Variants in HEATR5A observed in about 807,000 individuals in gnomAD.
The protein encoded by HEATR5A is HEAT repeat-containing protein 5A.
HEATR5A carries 178 observed loss-of-function variants against 218.8 expected under a neutral mutation model. The ratio of observed to expected loss-of-function variants is 0.81; its 90% CI spans 0.72 to 0.92. The LOEUF (loss-of-function observed/expected upper bound fraction) is 0.92. Among genes scored for constraint, HEATR5A ranks in the 40% least tolerant of loss-of-function variants. The pLI, the probability that HEATR5A is intolerant of heterozygous loss-of-function variation, is 0.00. For missense variants in HEATR5A, 2,420 were observed against 2,418.9 expected (o/e 1.00, Z -0.01); for synonymous variants, 864 against 871.6 (o/e 0.99, Z 0.15).
At chr14:31,371,701 C>T (rs576822564) in intron 13 of HEATR5A, 109 bp downstream of exon 13, 2 of 455,268 alleles carry the variant, frequency 4.4e-6, no homozygotes, top group African/African-American at 2.0e-5. Context: ...AACTGATTGC[C>T]TTCCTCCATA....
chr14:31,295,589 AT>A (rs1232245801), intron 34 of HEATR5A: 3 of 148,886 alleles, frequency 2.0e-5, no homozygotes, highest in African/African-American at 7.6e-5. Flanking sequence ...TTTAAATAAA[AT>A]CCACTATAAT....
At chr14:31,315,563 A>C (rs188227577) in intron 27 of HEATR5A, among the ~76,000 whole-genome samples, 1 of 152,208 alleles carries the variant, frequency 6.6e-6, no homozygotes, top group Admixed American at 6.5e-5. Flanking sequence ...GCACTGCTTA[A>C]AGTAGGAGAT....
At chr14:31,344,196 C>A in intron 20 of HEATR5A, 131 bp from the exon 21 acceptor site, 6 of 323,322 alleles carry the variant, frequency 1.9e-5, no homozygotes, top group Non-Finnish European at 2.2e-5. Context: ...ACAGTCACTA[C>A]AAATCTGTGA....
Position 31,358,691 on chromosome 14 carries a change from C to T in HEATR5A, c.2357G>A (p.Ser786Asn), listed in dbSNP as rs754809088. The change falls in exon 16 of 36, where the codon AGT becomes AAT. Residue 786 changes from serine (S) to asparagine (N), a missense_variant. Ser to Asn is a conservative substitution (Grantham distance 46, BLOSUM62 1). Transcript: ENST00000543095. Reference protein sequence around the residue: ...KPLPPALSVISSASKLFGVVC... With the variant: ...KPLPPALSVINSASKLFGVVC... ...AACCCCAAAGAGCTTGGATGCAGAA[C>T]TAATAACTGATAGTGCTGGAGGTAA... The T allele has an allele frequency of 6.2e-7, 1 of 1,613,800 alleles. No individual in the cohort carries two copies. The highest frequency in any genetic ancestry group is 8.5e-7 in the Non-Finnish European group (1 of 1,179,882).
intron 6 of HEATR5A, among the ~76,000 whole-genome samples, chr14:31,392,689 A>C (rs191903394): frequency 3.9e-5 from 6 of 152,236 alleles, no homozygotes; most frequent in African/African-American, 1.2e-4. Context: ...TAATGTTCCA[A>C]ATTGTTTTAA....
intron 14 of HEATR5A, among the ~76,000 whole-genome samples, chr14:31,359,986 G>A (rs1185037373): frequency 2.0e-5 from 3 of 150,654 alleles, no homozygotes; most frequent in East Asian, 1.9e-4. Flanking sequence ...ATATTTCACC[G>A]TGTATCATTA....
In HEATR5A at chr14:31,394,161, T is replaced by C. The variant is rs1449505149; in HGVS notation, c.663A>G (p.Thr221=). ...MWSTDLDSVA[T]LCFKSFEGSN... ...AACCTTCAAAGGACTTAAAACACAGTGTGGCCACACTGTCCAGGTCCGTAC... is the reference window on the plus strand; with the variant it reads ...AACCTTCAAAGGACTTAAAACACAGCGTGGCCACACTGTCCAGGTCCGTAC... Residue 221 remains threonine (T), a synonymous_variant, in exon 6 of 36, where the codon ACA becomes ACG. Transcript: ENST00000543095. 4.6e-6 allele frequency: 7 copies of C among 1,534,924 alleles called. No individual in the cohort carries two copies. The highest frequency in any genetic ancestry group is 2.4e-5 in the South Asian group (2 of 83,934).
intron 33 of HEATR5A, 104 bp from the exon 34 acceptor site, chr14:31,296,167 T>G (rs549571289): frequency 1.2e-6 from 1 of 818,970 alleles, no homozygotes; most frequent in Admixed American, 2.7e-5. Flanking sequence ...ACACAACAGA[T>G]ACACACAATG....
chr14:31,292,531 ATCT>A lies in HEATR5A; in HGVS notation c.*771_*773del, dbSNP rs1019531152. ...TCCTAAATAGCTCTCCAATCATTTTATCTTCTTGGAGAAATCAGAGAAAGTTTA... is the reference window on the plus strand; with the variant it reads ...TCCTAAATAGCTCTCCAATCATTTTATCTTGGAGAAATCAGAGAAAGTTTA... On this transcript the variant is annotated 3_prime_UTR_variant, in exon 36 of 36. Transcript: ENST00000543095. 1 of 152,140 alleles carries A rather than the reference ATCT, an allele frequency of 6.6e-6. No individual in the cohort carries two copies. The highest frequency in any genetic ancestry group is 2.4e-5 in the African/African-American group (1 of 41,436). 9.4% of individuals were successfully genotyped at this position (152,140 alleles called of 1,614,324 possible). A position where few individuals can be genotyped will look rare whatever the true frequency, so the allele number is the denominator to read the frequency against.
intron 26 of HEATR5A, among the ~76,000 whole-genome samples, chr14:31,316,195 T>C (rs1185637705): frequency 8.5e-5 from 13 of 152,194 alleles, no homozygotes; most frequent in Admixed American, 5.2e-4. Context: ...GGCAGGAGGA[T>C]TGCATGAGCC....
Position 31,358,973 on chromosome 14 carries a change from G to A in HEATR5A, c.2156C>T (p.Pro719Leu). ...AAGATCATCCTGATGACAGAGGGGTGGAAGTAAAAATGTAGATGCTGCCAC... is the reference window on the plus strand; with the variant it reads ...AAGATCATCCTGATGACAGAGGGGTAGAAGTAAAAATGTAGATGCTGCCAC... ...IQVAASTFLL[P>L]PLCHQDDLLI... Residue 719 changes from proline to leucine, a missense_variant, in exon 15 of 36, where the codon CCA (proline) becomes CTA (leucine). Transcript: ENST00000543095. 6.3e-7 allele frequency: 1 copy of A among 1,590,360 alleles called. No homozygotes were observed.
intron 3 of HEATR5A, among the ~76,000 whole-genome samples, chr14:31,399,386 T>A (rs1447381496): frequency 1.3e-5 from 2 of 152,154 alleles, no homozygotes; most frequent in Non-Finnish European, 2.9e-5. Context: ...TCAACAGAAC[T>A]CAGCTACATA....
chr14:31,411,110 T>C (rs1030151505), intron 1 of HEATR5A, among the ~76,000 whole-genome samples: 1 of 152,168 alleles, frequency 6.6e-6, no homozygotes, highest in African/African-American at 2.4e-5. Flanking sequence ...GATAGTTTAA[T>C]ATAAACAGTG....
Position 31,306,860 on chromosome 14 carries a change from A to G in HEATR5A, c.4838T>C (p.Leu1613Pro). 1.2e-6 allele frequency: 2 copies of G among 1,611,994 alleles called. No individual in the cohort carries two copies. Among genetic ancestry groups the G allele is most frequent in the Non-Finnish European group, 1.7e-6 (2 of 1,178,582 alleles). The change falls in exon 31 of 36, where the codon CTG (leucine) becomes CCG (proline). Residue 1613 changes from leucine (L) to proline (P), a missense_variant. Coordinates refer to ENST00000543095, the MANE Select transcript of HEATR5A (RefSeq NM_015473.4). ...TAAAATTACTCGATGTAGAACATTCAGCAATTCTATACCCAAGTCCTATCA... is the reference window on the plus strand; with the variant it reads ...TAAAATTACTCGATGTAGAACATTCGGCAATTCTATACCCAAGTCCTATCA... ...GSDQDLGIEL[L>P]NVLHRVILTR...
chr14:31,325,706 G>A (rs948997567), intron 23 of HEATR5A, among the ~76,000 whole-genome samples: 7 of 151,934 alleles, frequency 4.6e-5, no homozygotes, highest in African/African-American at 1.7e-4. Context: ...TGTAGAGATG[G>A]TGTTTTGCCA....
At chr14:31,295,786 A>C in intron 34 of HEATR5A, 123 bp downstream of exon 34, 2 of 728,834 alleles carry the variant, frequency 2.7e-6, no homozygotes, top group South Asian at 4.0e-5. Context: ...TTAATCTTAA[A>C]TCTAAAAATA....
chr14:31,390,090 G>A (rs539409567), intron 6 of HEATR5A, among the ~76,000 whole-genome samples: 1 of 152,094 alleles, frequency 6.6e-6, no homozygotes, highest in Non-Finnish European at 1.5e-5. Flanking sequence ...GGTATCTGGA[G>A]AAAAAGTGTT....
chr14:31,395,947 C>A (rs527318766), intron 4 of HEATR5A, among the ~76,000 whole-genome samples: 1 of 152,312 alleles, frequency 6.6e-6, no homozygotes. Context: ...CTGTGACCCG[C>A]AGTAACTTTG....
intron 5 of HEATR5A, 140 bp downstream of exon 5, chr14:31,395,059 C>A: frequency 2.0e-6 from 1 of 492,412 alleles, no homozygotes; most frequent in Admixed American, 3.4e-5. Context: ...TAACTCTGGG[C>A]CTTAGTTTCC....
Sources: allele counts gnomAD v4.1 joint callset (sites outside exome capture counted in the v4.1 genomes callset), GRCh38; gene constraint gnomAD v4.1.1; transcripts MANE v1.5; gene names NCBI Gene and HGNC (gene_info 2026-07-23, HGNC 2026-07-21).